The following NALF1 variants were observed in gnomAD, a reference collection of about 807,000 sequenced individuals.
The protein encoded by NALF1 is NALCN channel auxiliary factor 1.
Under a neutral mutation model 48.4 loss-of-function variants are expected in NALF1, and 3 were observed. That is an observed-to-expected ratio of 0.06 (90% CI 0.03 to 0.16). NALF1 has a LOEUF of 0.16. Among genes scored for constraint, NALF1 ranks in the 10% least tolerant of loss-of-function variants. The probability of loss-of-function intolerance (pLI) is 1.00; values close to 1 mark genes in which losing one functional copy is unlikely to be tolerated. For missense variants in NALF1, 526 were observed against 571.5 expected, an observed-to-expected ratio of 0.92 and a Z score of 0.81; for synonymous variants, 262 against 245.7, an observed-to-expected ratio of 1.07 and a Z score of -0.62.
chr13:107,763,733 T>G (rs988688082), intron 1 of NALF1, among the ~76,000 whole-genome samples: 4 of 152,178 alleles, frequency 2.6e-5, no homozygotes, highest in Non-Finnish European at 5.9e-5. Flanking sequence ...ATATATCTAC[T>G]AGTAAAATGT....
At chr13:107,445,032 C>T (rs74409826) in intron 1 of NALF1, among the ~76,000 whole-genome samples, 1,862 of 152,198 alleles carry the variant, frequency 0.012, 20 homozygotes, top group South Asian at 0.036. Flanking sequence ...TGATATATTG[C>T]ATAATTATAG....
At chr13:107,782,211 G>A (rs935408645) in intron 1 of NALF1, among the ~76,000 whole-genome samples, 18 of 152,190 alleles carry the variant, frequency 1.2e-4, no homozygotes, top group African/African-American at 4.3e-4. Context: ...GTGCCGCCAC[G>A]CCTGACTGGT....
At chr13:107,790,703 T>C (rs1403284481) in intron 1 of NALF1, among the ~76,000 whole-genome samples, 1 of 152,182 alleles carries the variant, frequency 6.6e-6, no homozygotes, top group Non-Finnish European at 1.5e-5. Flanking sequence ...ACCATGTTCA[T>C]AGTTAACCAA....
At chr13:107,389,671 T>C (rs912775386) in intron 1 of NALF1, among the ~76,000 whole-genome samples, 6 of 152,190 alleles carry the variant, frequency 3.9e-5, no homozygotes, top group Non-Finnish European at 8.8e-5. Context: ...GTTTGCTGTA[T>C]GTCCACCCAC....
chr13:107,833,184 G>A (rs866759056), intron 1 of NALF1, among the ~76,000 whole-genome samples: 9 of 152,144 alleles, frequency 5.9e-5, no homozygotes, highest in African/African-American at 1.7e-4. Context: ...ACGAAGACAC[G>A]TCTGATGAAT....
chr13:107,673,247 T>C (rs1261837734), intron 1 of NALF1, among the ~76,000 whole-genome samples: 1 of 152,132 alleles, frequency 6.6e-6, no homozygotes, highest in Non-Finnish European at 1.5e-5. Flanking sequence ...TTTAATGAGA[T>C]TTAGTTCTCA....
chr13:107,393,649 T>A (rs1883663496), intron 1 of NALF1, among the ~76,000 whole-genome samples: 1 of 152,142 alleles, frequency 6.6e-6, no homozygotes, highest in African/African-American at 2.4e-5. Flanking sequence ...AATAGCTCAA[T>A]TAAAAGAACA....
chr13:107,242,517 A>G (rs1032511925), intron 1 of NALF1, among the ~76,000 whole-genome samples: 14 of 152,258 alleles, frequency 9.2e-5, no homozygotes, highest in Non-Finnish European at 1.9e-4. Context: ...TTCCACTGGT[A>G]AATTACAGCC....
chr13:107,350,138 C>T (rs891455702), intron 1 of NALF1, among the ~76,000 whole-genome samples: 1 of 152,182 alleles, frequency 6.6e-6, no homozygotes, highest in African/African-American at 2.4e-5. Context: ...TCTTGCTATG[C>T]GGCCCAGTTC....
chr13:107,487,651 C>A (rs1364170563), intron 1 of NALF1, among the ~76,000 whole-genome samples: 2 of 152,124 alleles, frequency 1.3e-5, no homozygotes, highest in African/African-American at 4.8e-5. Flanking sequence ...GGTGCATAAG[C>A]TTTTGGATAT....
intron 1 of NALF1, among the ~76,000 whole-genome samples, chr13:107,309,508 G>A (rs146530747): frequency 6.6e-6 from 1 of 152,232 alleles, no homozygotes; most frequent in African/African-American, 2.4e-5. Context: ...TATTTGATTC[G>A]GGAAAGTGTA....
chr13:107,724,117 A>C (rs1191026813), intron 1 of NALF1, among the ~76,000 whole-genome samples: 1 of 152,180 alleles, frequency 6.6e-6, no homozygotes, highest in Non-Finnish European at 1.5e-5. Flanking sequence ...GAAAATAGGA[A>C]GCTTGTTCCA....
At chr13:107,305,667 T>C (rs1881922736) in intron 1 of NALF1, among the ~76,000 whole-genome samples, 1 of 152,056 alleles carries the variant, frequency 6.6e-6, no homozygotes, top group Admixed American at 6.5e-5. Flanking sequence ...TATACAGCCA[T>C]AAAAAGGAAT....
At chr13:107,800,238 T>A (rs1048451283) in intron 1 of NALF1, among the ~76,000 whole-genome samples, 9 of 152,302 alleles carry the variant, frequency 5.9e-5, no homozygotes, top group Admixed American at 5.9e-4. Context: ...CTGGCTGTCG[T>A]GAACATGAAA....
At chr13:107,382,447 T>A (rs376637436) in intron 1 of NALF1, among the ~76,000 whole-genome samples, 10 of 152,208 alleles carry the variant, frequency 6.6e-5, no homozygotes, top group African/African-American at 2.4e-4. Flanking sequence ...TTGAAATAAA[T>A]TTAGACTTAC....
At chr13:107,561,938 T>C (rs771278850) in intron 1 of NALF1, among the ~76,000 whole-genome samples, 9 of 152,208 alleles carry the variant, frequency 5.9e-5, no homozygotes, top group Non-Finnish European at 1.3e-4. Flanking sequence ...CAAAAGAAAC[T>C]TTCCTAGGTT....
At chr13:107,292,980 G>A (rs887315546) in intron 1 of NALF1, among the ~76,000 whole-genome samples, 2 of 130,206 alleles carry the variant, frequency 1.5e-5, no homozygotes, top group African/African-American at 5.7e-5. Flanking sequence ...CTCCGTTATA[G>A]TTTTTCTTTT....
chr13:107,812,086 A>C (rs1325909375), intron 1 of NALF1, among the ~76,000 whole-genome samples: 1 of 152,224 alleles, frequency 6.6e-6, no homozygotes, highest in East Asian at 1.9e-4. Flanking sequence ...ATACTTAAAC[A>C]GAATTATTAA....
intron 1 of NALF1, among the ~76,000 whole-genome samples, chr13:107,566,610 C>A (rs11619840): frequency 0.18 from 27,453 of 152,236 alleles, 2,656 homozygotes; most frequent in South Asian, 0.28. Context: ...CACGGTAACA[C>A]CAGATTCACG....
Sources: gnomAD v4.1 joint callset for allele counts (sites outside exome capture counted in the v4.1 genomes callset) on GRCh38, gnomAD v4.1.1 for gene constraint, MANE v1.5 for transcripts, NCBI Gene and HGNC (gene_info 2026-07-23, HGNC 2026-07-21) for gene names.